ZNF404: variants seen among roughly 807,000 people sequenced by gnomAD.
The protein encoded by ZNF404 is zinc finger protein 404.
ZNF404 carries 7 observed loss-of-function variants against 7.3 expected under a neutral mutation model. The ratio of observed to expected loss-of-function variants is 0.95; its 90% CI spans 0.54 to 1.79. The LOEUF (loss-of-function observed/expected upper bound fraction) is 1.79, where lower values mean the gene tolerates loss of function less well. Ranked by LOEUF, ZNF404 falls within the 40% of genes most tolerant of loss-of-function variation. The pLI, the probability that ZNF404 is intolerant of heterozygous loss-of-function variation, is 0.00. For missense variants in ZNF404, 560 were observed against 661.5 expected, an observed-to-expected ratio of 0.85 and a Z score of 1.68; for synonymous variants, 191 against 209.9, an observed-to-expected ratio of 0.91 and a Z score of 0.78.
intron 1 of ZNF404, among the ~76,000 whole-genome samples, chr19:43,882,256 A>G (rs1271717312): frequency 6.6e-6 from 1 of 152,244 alleles, no homozygotes; most frequent in Non-Finnish European, 1.5e-5. Flanking sequence ...CAGTGGATAA[A>G]GGACCGTCTT....
At chr19:43,874,122 A>T (rs1192806722) in intron 2 of ZNF404, 45 bp from the exon 3 acceptor site, 4 of 1,282,642 alleles carry the variant, frequency 3.1e-6, no homozygotes, top group Non-Finnish European at 3.1e-6. Flanking sequence ...TTCCAATAAT[A>T]GGGGTAGGGA....
intron 2 of ZNF404, 120 bp downstream of exon 2, chr19:43,879,890 A>G: frequency 1.5e-6 from 2 of 1,302,334 alleles, no homozygotes; most frequent in Non-Finnish European, 2.2e-6. Flanking sequence ...CACCTAACAA[A>G]CTTTGAGAAT....
chr19:43,880,865 C>T (rs1971889489), intron 1 of ZNF404, among the ~76,000 whole-genome samples: 1 of 152,160 alleles, frequency 6.6e-6, no homozygotes, highest in Non-Finnish European at 1.5e-5. Flanking sequence ...AGTTTTAGCA[C>T]ATCAAATCTA....
intron 2 of ZNF404, among the ~76,000 whole-genome samples, chr19:43,876,585 A>C (rs1160153332): frequency 6.6e-6 from 1 of 152,178 alleles, no homozygotes; most frequent in Non-Finnish European, 1.5e-5. Context: ...ACATGAAATG[A>C]TGAATCTTCC....
At chr19:43,881,715 CG>C (rs1296284061) in intron 1 of ZNF404, 2 of 151,796 alleles carry the variant, frequency 1.3e-5, no homozygotes, top group Admixed American at 1.3e-4. Context: ...CCAGCACTTT[CG>C]GAGGGTGAGG....
rs771386856 is a variant in ZNF404, at chr19:43,874,045, A to T, written c.169T>A (p.Ser57Thr). 44 of 1,577,688 alleles carry T rather than the reference A, an allele frequency of 2.8e-5. 1 individual carries two copies. The highest frequency in any genetic ancestry group is 8.0e-5 in the Admixed American group (4 of 49,914). Reference sequence around the variant, plus strand: ...ACTTCATAATTTCTTTTTTCTGAAGATAACTTGTTGCTTTCAGTTGTGAAA... The same window carrying T: ...ACTTCATAATTTCTTTTTTCTGAAGTTAACTTGTTGCTTTCAGTTGTGAAA... ...FNFTTESNKLSSEKRNYEVNA... is the reference protein window; with the variant it reads ...FNFTTESNKLTSEKRNYEVNA... Residue 57 changes from serine to threonine, a missense_variant, in exon 3 of 3, where the codon TCT becomes ACT. Physicochemically the swap from Ser to Thr is moderately conservative, Grantham distance 58. Coordinates refer to ENST00000587539, the MANE Select transcript of ZNF404 (RefSeq NM_001033719.3).
At chr19:43,883,905 T>G in intron 1 of ZNF404, 51 bp downstream of exon 1, 2 of 1,589,042 alleles carry the variant, frequency 1.3e-6, no homozygotes, top group Non-Finnish European at 1.7e-6. Flanking sequence ...AAATATTACA[T>G]GAATTAAAAA....
At position 43,873,955 on chromosome 19, in the gene ZNF404, T is replaced by C. The variant is rs1394297739; in HGVS notation, c.259A>G (p.Arg87Gly). ...KTFNLMRFIF[R>G]TDPQYTIEFG... is the part of the protein sequence containing the mutation. ...TCAATTGTGTACTGTGGGTCAGTTC[T>C]GAAAATAAACCTCATAAGGTTGAAG... The change falls in exon 3 of 3, where the codon AGA becomes GGA. Residue 87 changes from arginine (R) to glycine (G), a missense_variant. Transcript: ENST00000587539. 3 of 1,613,306 alleles carry C rather than the reference T, an allele frequency of 1.9e-6. No homozygotes were observed. In the South Asian group the frequency reaches 3.3e-5, roughly 18 times the overall value.
At chr19:43,880,215 G>A in intron 1 of ZNF404, 79 bp from the exon 2 acceptor site, 2 of 1,284,712 alleles carry the variant, frequency 1.6e-6, no homozygotes, top group Admixed American at 4.4e-5. Flanking sequence ...CAATAAAGGG[G>A]CAATATGTAA....
In ZNF404 at chr19:43,872,526, T is replaced by C. The variant is rs74461539; in HGVS notation, c.*29A>G. ...ATCATAATAGTGACAACAGTAAAAA[T>C]GTGCCATGGCTAAAGGCTTTCCCTC... On this transcript the variant is annotated 3_prime_UTR_variant, in exon 3 of 3. Coordinates refer to ENST00000587539, the MANE Select transcript of ZNF404 (RefSeq NM_001033719.3). The surrounding 1 kb of genome is among the most constrained non-coding windows in gnomAD (Gnocchi z 4.4). 2,359 of 1,512,100 alleles carry C rather than the reference T, an allele frequency of 1.6e-3. 22 individuals are homozygous for C. The African/African-American group carries it at 0.026, about 17-fold the overall frequency. The allele number at this position is 1,512,100 out of a possible 1,614,324, so 93.7% of individuals were successfully genotyped here.
intron 1 of ZNF404, 106 bp from the exon 2 acceptor site, chr19:43,880,242 G>A: frequency 1.0e-6 from 1 of 953,022 alleles, no homozygotes; most frequent in East Asian, 2.5e-5. Flanking sequence ...GTAGTCTAGA[G>A]TTACAAGATG....
chr19:43,875,558 T>C (rs1027806523), intron 2 of ZNF404, among the ~76,000 whole-genome samples: 3 of 152,090 alleles, frequency 2.0e-5, no homozygotes, highest in Non-Finnish European at 1.5e-5. Context: ...AAGTAAAAAA[T>C]GGGGCAAGAG....
rs1293166377 is a variant in ZNF404 at position 43,872,618 on chromosome 19, A to G, written c.1596T>C (p.Phe532=). The G allele has an allele frequency of 6.2e-7, 1 of 1,612,008 alleles. No homozygotes were observed. The highest frequency in any genetic ancestry group is 8.5e-7 in the Non-Finnish European group (1 of 1,178,914). The change falls in exon 3 of 3, where the codon TTT becomes TTC. Residue 532 remains phenylalanine (F), a synonymous_variant. Coordinates refer to ENST00000587539, the MANE Select transcript of ZNF404 (RefSeq NM_001033719.3). The surrounding 1 kb of genome is among the most constrained non-coding windows in gnomAD (Gnocchi z 4.4). The part of the protein sequence containing the change: ...PQKCKECGKA[F]SHCYQLSQHQ... ...GTTGACTAAGTTGATAGCAATGACT[A>G]AAGGCCTTACCACATTCTTTGCATT...
rs1173406813 is a variant in ZNF404, at chr19:43,873,526, G to T, written c.688C>A (p.Leu230Ile). 2 of 1,613,480 alleles carry T rather than the reference G, an allele frequency of 1.2e-6. No homozygotes were observed. The highest frequency in any genetic ancestry group is 2.2e-5 in the South Asian group (2 of 91,060). The change falls in exon 3 of 3, where the codon CTT (leucine) becomes ATT (isoleucine). Residue 230 changes from leucine (L) to isoleucine (I), a missense_variant. Transcript: ENST00000587539. ...CGKAFRRHSHLTEHQKIHVGL... is the reference protein window; with the variant it reads ...CGKAFRRHSHITEHQKIHVGL... ...ACATGAATTTTCTGATGTTCTGTAA[G>T]GTGAGAATGACGTCTAAAAGCCTTC...
At chr19:43,874,324 T>C (rs1173227637) in intron 2 of ZNF404, among the ~76,000 whole-genome samples, 3 of 152,070 alleles carry the variant, frequency 2.0e-5, no homozygotes, top group East Asian at 3.8e-4. Context: ...TCATATTTAG[T>C]TGCAAATCAG....
chr19:43,883,947 T>A lies in ZNF404; in HGVS notation c.9+9A>T, dbSNP rs781591148. ...ATAAGTCAGAAAAGCAAAAGAGACA[T>A]CAACTCACCCGGGCCATGGTTTCAG... On this transcript the variant is annotated intron_variant, in intron 1 of 2. Coordinates refer to ENST00000587539, the MANE Select transcript of ZNF404 (RefSeq NM_001033719.3). The A allele has an allele frequency of 3.1e-6, 5 of 1,598,986 alleles. No individual in the cohort carries two copies. In the African/African-American group the frequency reaches 6.7e-5, roughly 21 times the overall value.
At chr19:43,878,650 A>G (rs1174295107) in intron 2 of ZNF404, among the ~76,000 whole-genome samples, 1 of 152,194 alleles carries the variant, frequency 6.6e-6, no homozygotes, top group African/African-American at 2.4e-5. Flanking sequence ...AGGCAGAACA[A>G]TACCTGAAAG....
rs1599745631 is a variant in ZNF404 at position 43,873,809 on chromosome 19, T to G, written c.405A>C (p.Glu135Asp). 8.7e-6 allele frequency: 14 copies of G among 1,609,902 alleles called. No individual in the cohort carries two copies. Among genetic ancestry groups the G allele is most frequent in the South Asian group, 5.5e-5 (5 of 91,064 alleles). The change falls in exon 3 of 3, where the codon GAA (glutamate) becomes GAC (aspartate). Residue 135 changes from glutamate to aspartate, a missense_variant. Transcript: ENST00000587539. ...AATATTTTCTAAAGCCCTTCTTATATTCCTTACACTCATATGATTTCTCTC... is the reference window on the plus strand; with the variant it reads ...AATATTTTCTAAAGCCCTTCTTATAGTCCTTACACTCATATGATTTCTCTC... ...NTREKSYECK[E>D]YKKGFRKYLH...
At position 43,883,959 on chromosome 19, in the gene ZNF404, G is replaced by C. The variant is rs779773020; in HGVS notation, c.6C>G (p.Ala2=). 2 of 1,599,018 alleles carry C rather than the reference G, an allele frequency of 1.3e-6. No individual in the cohort carries two copies. The highest frequency in any genetic ancestry group is 1.7e-6 in the Non-Finnish European group (2 of 1,179,612). The change falls in exon 1 of 3, where the codon GCC becomes GCG. Residue 2 remains alanine (A), a synonymous_variant. Transcript: ENST00000587539. M[A]RVPLTFSDVA... is the part of the protein sequence containing the mutation. ...AGCAAAAGAGACATCAACTCACCCGGGCCATGGTTTCAGAAATGCTAGTTC... is the reference window on the plus strand; with the variant it reads ...AGCAAAAGAGACATCAACTCACCCGCGCCATGGTTTCAGAAATGCTAGTTC...
Sources: gnomAD v4.1 joint callset for allele counts (sites outside exome capture counted in the v4.1 genomes callset) on GRCh38, gnomAD v4.1.1 for gene constraint, Gnocchi (gnomAD v3.1) non-coding constraint, MANE v1.5 for transcripts, NCBI Gene and HGNC (gene_info 2026-07-23, HGNC 2026-07-21) for gene names.